Variants in ANO6 observed in about 807,000 individuals in gnomAD.
The protein encoded by ANO6 is anoctamin-6.
In ANO6, 106 loss-of-function variants were observed where a neutral mutation model predicts 117.5. The ratio of observed to expected loss-of-function variants is 0.90; its 90% confidence interval spans 0.77 to 1.06. The LOEUF (loss-of-function observed/expected upper bound fraction) is 1.06. ANO6 is among the 50% of genes least tolerant of loss of function. ANO6 has a pLI of 0.00. For missense variants in ANO6, 955 were observed against 1,121.1 expected (o/e 0.85, Z 2.12); for synonymous variants, 367 against 385.1 (o/e 0.95, Z 0.55).
intron 2 of ANO6, among the ~76,000 whole-genome samples, chr12:45,311,868 A>G (rs568607319): frequency 6.6e-5 from 10 of 152,140 alleles, no homozygotes; most frequent in Non-Finnish European, 1.3e-4. Context: ...TTTCTGTGAC[A>G]TCTCACCCTA....
In ANO6 at chr12:45,346,016, A is replaced by G. The variant is rs565576538; in HGVS notation, c.280-1006A>G. Among the ~76,000 whole-genome samples the G allele has an allele frequency of 1.8e-4, 27 of 151,504 alleles. No individual in the cohort carries two copies. In the Middle Eastern group the frequency reaches 0.01, roughly 58 times the overall value. On this transcript the variant is annotated intron_variant, in intron 3 of 19. Transcript: ENST00000320560. ...GGGGGTTAGAAACAAAAGGGGGCCA[A>G]ACTTTTATAAGGAGCTCATTCCATG...
intron 10 of ANO6, among the ~76,000 whole-genome samples, chr12:45,387,845 G>T (rs913172698): frequency 6.6e-6 from 1 of 152,128 alleles, no homozygotes; most frequent in African/African-American, 2.4e-5. Flanking sequence ...ATGATAGTGA[G>T]TGAGTTCTCA....
chr12:45,394,833 A>G (rs754913466), intron 12 of ANO6, among the ~76,000 whole-genome samples: 2 of 152,258 alleles, frequency 1.3e-5, no homozygotes, highest in African/African-American at 2.4e-5. Context: ...TCTCTGAGAC[A>G]CATTTAAAGC....
At chr12:45,386,037 C>T (rs1355978916) in intron 10 of ANO6, among the ~76,000 whole-genome samples, 14 of 152,200 alleles carry the variant, frequency 9.2e-5, no homozygotes, top group Admixed American at 9.2e-4. Flanking sequence ...AGTCTCCACC[C>T]TGACTGCGTA....
rs138400548 is a variant in ANO6, at chr12:45,300,451, T to C, written c.71-1563T>C. ...ACCTTGGCCTCCAAAGTGCTAGGAT[T>C]ACAAGTGTGAGTTATCATGCCCAGC... On this transcript the variant is annotated intron_variant, in intron 1 of 19. Transcript: ENST00000320560. Among the ~76,000 whole-genome samples the C allele has an allele frequency of 5.8e-3, 876 of 152,342 alleles. 6 individuals are homozygous for C. Among genetic ancestry groups the C allele is most frequent in the African/African-American group, 0.018 (754 of 41,572 alleles).
intron 10 of ANO6, among the ~76,000 whole-genome samples, chr12:45,382,886 C>CTGAT (rs1215533425): frequency 6.6e-6 from 1 of 152,158 alleles, no homozygotes; most frequent in Non-Finnish European, 1.5e-5. Context: ...TGGCTGCTGA[C>CTGAT]TGATTAGGTA....
intron 1 of ANO6, among the ~76,000 whole-genome samples, chr12:45,267,767 G>A (rs769253880): frequency 1.3e-5 from 2 of 152,070 alleles, no homozygotes; most frequent in African/African-American, 2.4e-5. Flanking sequence ...CTCCAGTCTG[G>A]GCAACAGAGC....
chr12:45,344,055 T>A (rs1941060448), intron 3 of ANO6, among the ~76,000 whole-genome samples: 2 of 152,150 alleles, frequency 1.3e-5, no homozygotes, highest in South Asian at 4.1e-4. Flanking sequence ...ATGTGGGCTC[T>A]TGTAGGAGTT....
chr12:45,365,534 C>G (rs1490222313), intron 8 of ANO6, among the ~76,000 whole-genome samples: 1 of 152,172 alleles, frequency 6.6e-6, no homozygotes, highest in Non-Finnish European at 1.5e-5. Flanking sequence ...AATGGCAAAT[C>G]CTGCGCATGG....
intron 3 of ANO6, among the ~76,000 whole-genome samples, chr12:45,340,183 T>C (rs551411257): frequency 1.3e-4 from 20 of 152,242 alleles, no homozygotes; most frequent in African/African-American, 3.8e-4. Context: ...TGCCAGTCTG[T>C]CCTTTGTGAT....
intron 1 of ANO6, among the ~76,000 whole-genome samples, chr12:45,272,421 T>C (rs1938423523): frequency 6.6e-6 from 1 of 152,204 alleles, no homozygotes. Context: ...AAATTAGGAT[T>C]TATTCTGACC....
intron 1 of ANO6, among the ~76,000 whole-genome samples, chr12:45,291,706 G>A (rs1939107248): frequency 6.6e-6 from 1 of 152,076 alleles, no homozygotes; most frequent in South Asian, 2.1e-4. Context: ...AGGAGGGAAT[G>A]CTCAACATCA....
At chr12:45,428,982 G>A (rs1000578931) in intron 19 of ANO6, 123 bp from the exon 20 acceptor site, 6 of 1,189,202 alleles carry the variant, frequency 5.0e-6, no homozygotes. Flanking sequence ...GCGGTTGGTT[G>A]TGTGTGTAAA....
At chr12:45,252,929 A>T (rs1237806910) in intron 1 of ANO6, among the ~76,000 whole-genome samples, 1 of 152,202 alleles carries the variant, frequency 6.6e-6, no homozygotes, top group Admixed American at 6.5e-5. Flanking sequence ...CCTTCACACA[A>T]CAGGGAATTG....
chr12:45,389,713 G>A (rs1280235111), intron 11 of ANO6, among the ~76,000 whole-genome samples: 1 of 152,084 alleles, frequency 6.6e-6, no homozygotes. Flanking sequence ...GGGTGATCTT[G>A]GACCAATTAG....
intron 3 of ANO6, among the ~76,000 whole-genome samples, chr12:45,339,767 C>G (rs1372127266): frequency 6.6e-6 from 1 of 151,866 alleles, no homozygotes; most frequent in Non-Finnish European, 1.5e-5. Flanking sequence ...AATTTTTTTT[C>G]CACAAATTAA....
At chr12:45,427,539 T>C (rs1241523699) in intron 19 of ANO6, among the ~76,000 whole-genome samples, 1 of 152,162 alleles carries the variant, frequency 6.6e-6, no homozygotes, top group African/African-American at 2.4e-5. Flanking sequence ...CAGAAGAATC[T>C]CTTCAAAGTA....
chr12:45,299,436 A>G (rs578146078), intron 1 of ANO6, among the ~76,000 whole-genome samples: 33 of 152,296 alleles, frequency 2.2e-4, no homozygotes, highest in African/African-American at 6.5e-4. Context: ...TCCTCTAATG[A>G]ACTCAGTTTT....
In ANO6 at chr12:45,431,014, T is replaced by G; in HGVS notation, c.*1703T>G. The stretch of plus-strand genomic sequence containing the variant: ...TACAATAAAGTAGCGTAACTCTAGG[T>G]CATGATTGATTTCAAATGCCTGCCA... On this transcript the variant is annotated 3_prime_UTR_variant, in exon 20 of 20. Coordinates refer to ENST00000320560, the MANE Select transcript of ANO6 (RefSeq NM_001025356.3). 2 of 985,412 alleles carry G rather than the reference T, an allele frequency of 2.0e-6. No homozygotes were observed. Among genetic ancestry groups the G allele is most frequent in the Non-Finnish European group, 2.4e-6 (2 of 829,930 alleles). 61.0% of individuals were successfully genotyped at this position (985,412 alleles called of 1,614,324 possible).
Sources: gnomAD v4.1 joint callset for allele counts (sites outside exome capture counted in the v4.1 genomes callset) on GRCh38, gnomAD v4.1.1 for gene constraint, MANE v1.5 for transcripts, NCBI Gene and HGNC (gene_info 2026-07-23, HGNC 2026-07-21) for gene names.